Variants in BRINP3 observed in about 807,000 individuals in gnomAD.
BRINP3 encodes BMP/retinoic acid inducible neural specific 3, also known as BMP/retinoic acid-inducible neural-specific protein 3.
A neutral mutation model predicts 71.0 loss-of-function variants in BRINP3; 19 were observed. The ratio of observed to expected loss-of-function variants is 0.27; its 90% CI spans 0.19 to 0.39. BRINP3 has a LOEUF of 0.39. Ranked by LOEUF, BRINP3 falls within the 10% of genes least tolerant of loss-of-function variation. BRINP3 has a pLI of 1.00. For missense variants in BRINP3, 959 were observed against 940.8 expected (o/e 1.02, Z -0.25); for synonymous variants, 380 against 337.7 (o/e 1.13, Z -1.37).
At chr1:190,454,257 G>A (rs1320838197) in intron 2 of BRINP3, among the ~76,000 whole-genome samples, 1 of 152,166 alleles carries the variant, frequency 6.6e-6, no homozygotes, top group Admixed American at 6.5e-5. Context: ...ACTTCTCAGT[G>A]ACTAGTAGAA....
At chr1:190,208,706 G>T (rs1655729812) in intron 6 of BRINP3, among the ~76,000 whole-genome samples, 1 of 151,736 alleles carries the variant, frequency 6.6e-6, no homozygotes, top group Admixed American at 6.6e-5. Context: ...TGTGGCCCAG[G>T]CTGGACTCTA....
At chr1:190,472,452 A>T (rs1356218616) in intron 1 of BRINP3, among the ~76,000 whole-genome samples, 1 of 151,580 alleles carries the variant, frequency 6.6e-6, no homozygotes, top group Non-Finnish European at 1.5e-5. Flanking sequence ...AAGAAAAAAT[A>T]TTTTTTTTCT....
rs372154253 is a variant in BRINP3 at position 190,444,088 on chromosome 1, T to TG, written c.236+10566dup. Among the ~76,000 whole-genome samples the TG allele has an allele frequency of 4.4e-3, 669 of 151,442 alleles. 2 individuals carry two copies. Among genetic ancestry groups the TG allele is most frequent in the African/African-American group, 0.016 (649 of 41,282 alleles). ...TCTCTACTAAAAGTACAAAATTAGC[T>TG]GGGGGGTGGTGGCCCATGCCTGTAA... On this transcript the variant is annotated intron_variant, in intron 2 of 7. Transcript: ENST00000367462.
At chr1:190,134,542 A>G (rs971176570) in intron 7 of BRINP3, among the ~76,000 whole-genome samples, 5 of 152,126 alleles carry the variant, frequency 3.3e-5, no homozygotes, top group African/African-American at 1.2e-4. Flanking sequence ...TGCTACAGCT[A>G]TAGTTATACT....
chr1:190,387,148 A>G lies in BRINP3; in HGVS notation c.236+67507T>C, dbSNP rs1385181476. On this transcript the variant is annotated intron_variant, in intron 2 of 7. Coordinates refer to ENST00000367462, the MANE Select transcript of BRINP3 (RefSeq NM_199051.3). ...ACATCTAGTCAGAACCATCACTATT[A>G]TATCTTATTGCTGAATCAAAATTCA... is the stretch of plus-strand genomic sequence containing the variant. Among the ~76,000 whole-genome samples the G allele has an allele frequency of 6.6e-5, 10 of 151,982 alleles. No homozygotes were observed. The Admixed American group carries it at 6.6e-4, about 10-fold the overall frequency.
intron 6 of BRINP3, among the ~76,000 whole-genome samples, chr1:190,190,584 C>A (rs1459785743): frequency 1.3e-5 from 2 of 152,086 alleles, no homozygotes; most frequent in East Asian, 3.9e-4. Context: ...CAAAAAAATA[C>A]TCTCCTCACC....
intron 6 of BRINP3, among the ~76,000 whole-genome samples, chr1:190,219,020 C>G (rs1656646066): frequency 6.6e-6 from 1 of 152,046 alleles, no homozygotes; most frequent in Admixed American, 6.6e-5. Context: ...TCAGGACTGC[C>G]AGTGCTCTCA....
intron 2 of BRINP3, among the ~76,000 whole-genome samples, chr1:190,370,322 A>G (rs1669778875): frequency 6.6e-6 from 1 of 152,178 alleles, no homozygotes; most frequent in Admixed American, 6.5e-5. Flanking sequence ...ATATTTAAGA[A>G]ACCAATTTAA....
intron 2 of BRINP3, among the ~76,000 whole-genome samples, chr1:190,287,871 C>T (rs1207257532): frequency 7.8e-6 from 1 of 128,342 alleles, no homozygotes; most frequent in Non-Finnish European, 1.8e-5. Flanking sequence ...TTTGAAATTA[C>T]TGAAAATAAT....
At chr1:190,266,574 G>T (rs575324283) in intron 3 of BRINP3, among the ~76,000 whole-genome samples, 234 of 152,154 alleles carry the variant, frequency 1.5e-3, no homozygotes, top group Non-Finnish European at 2.8e-3. Flanking sequence ...GCAGCTAAAA[G>T]AGAAAAAGAA....
At chr1:190,177,088 T>C (rs1011899057) in intron 6 of BRINP3, among the ~76,000 whole-genome samples, 1 of 151,626 alleles carries the variant, frequency 6.6e-6, no homozygotes, top group Non-Finnish European at 1.5e-5. Flanking sequence ...ACATCTCCAA[T>C]TGACTACTAG....
intron 2 of BRINP3, among the ~76,000 whole-genome samples, chr1:190,301,212 T>TGTATATATATACACATAC (rs1664698686): frequency 4.4e-5 from 3 of 68,282 alleles, no homozygotes; most frequent in African/African-American, 9.2e-5. Flanking sequence ...TACATATATA[T>TGTATATATATACACATAC]ATATATATAT....
intron 7 of BRINP3, among the ~76,000 whole-genome samples, chr1:190,121,110 T>C (rs1183239032): frequency 6.6e-6 from 1 of 152,126 alleles, no homozygotes; most frequent in African/African-American, 2.4e-5. Context: ...ATAAGGCATA[T>C]TGGCAAAGCT....
intron 7 of BRINP3, among the ~76,000 whole-genome samples, chr1:190,106,028 A>G (rs1330100151): frequency 6.6e-6 from 1 of 151,948 alleles, no homozygotes; most frequent in East Asian, 1.9e-4. Context: ...ATATATATTA[A>G]AATAAAAAGG....
chr1:190,155,219 G>T (rs1268918808), intron 7 of BRINP3, among the ~76,000 whole-genome samples: 1 of 151,816 alleles, frequency 6.6e-6, no homozygotes, highest in Non-Finnish European at 1.5e-5. Context: ...TTTCTCTGTG[G>T]CATTAAAATA....
chr1:190,448,739 TG>T (rs1264769199), intron 2 of BRINP3, among the ~76,000 whole-genome samples: 3 of 151,906 alleles, frequency 2.0e-5, no homozygotes, highest in Admixed American at 1.3e-4. Flanking sequence ...TTTTTAGAGC[TG>T]GAAATATTTA....
rs191440272 is a variant in BRINP3 at position 190,203,079 on chromosome 1, C to G, written c.961+23003G>C. Among the ~76,000 whole-genome samples the G allele has an allele frequency of 1.2e-3, 188 of 152,106 alleles. 1 individual carries two copies. The highest frequency in any genetic ancestry group is 3.4e-3 in the Middle Eastern group (1 of 294). ...CATGGAAAATGTATTACCATTTTGA[C>G]TTGCATTCAATTTTCTTCAATTCTG... On this transcript the variant is annotated intron_variant, in intron 6 of 7. Coordinates refer to ENST00000367462, the MANE Select transcript of BRINP3 (RefSeq NM_199051.3).
chr1:190,233,730 T>TA (rs1658233265), intron 5 of BRINP3, among the ~76,000 whole-genome samples: 1 of 152,206 alleles, frequency 6.6e-6, no homozygotes, highest in Non-Finnish European at 1.5e-5. Context: ...TGTGTATTCA[T>TA]AACCTGTTCC....
chr1:190,193,148 G>T (rs975726046), intron 6 of BRINP3, among the ~76,000 whole-genome samples: 4 of 151,982 alleles, frequency 2.6e-5, no homozygotes, highest in African/African-American at 7.2e-5. Flanking sequence ...TGAGTGGAAT[G>T]GTTTATGAGT....
Sources: allele counts gnomAD v4.1 joint callset (sites outside exome capture counted in the v4.1 genomes callset), GRCh38; gene constraint gnomAD v4.1.1; transcripts MANE v1.5; gene names NCBI Gene and HGNC (gene_info 2026-07-23, HGNC 2026-07-21).